IQCM: variants seen among roughly 807,000 people sequenced by gnomAD.
IQCM encodes IQ domain-containing protein M.
IQCM carries 45 observed loss-of-function variants against 57.6 expected under a neutral mutation model. The observed-to-expected ratio is 0.78, with a 90% CI of 0.62 to 1.00. The LOEUF is 1.00. Ranked by LOEUF, IQCM falls within the 50% of genes least tolerant of loss-of-function variation. The pLI is 0.00. For synonymous variants in IQCM, 148 were observed against 158.9 expected, an observed-to-expected ratio of 0.93 and a Z score of 0.51; for missense variants, 468 against 511.6, an observed-to-expected ratio of 0.91 and a Z score of 0.82.
chr4:149,398,161 G>C (rs1422075099), intron 13 of IQCM, among the ~76,000 whole-genome samples: 2 of 151,800 alleles, frequency 1.3e-5, no homozygotes, highest in Non-Finnish European at 2.9e-5. Flanking sequence ...GTGTATTCTT[G>C]GTGCCCTTAT....
chr4:149,670,861 C>A (rs2150177365), intron 7 of IQCM, among the ~76,000 whole-genome samples: 1 of 152,020 alleles, frequency 6.6e-6, no homozygotes, highest in East Asian at 1.9e-4. Context: ...TTTTGATGTG[C>A]TGCTGGATTC....
chr4:149,652,990 G>A (rs1759325658), intron 7 of IQCM, among the ~76,000 whole-genome samples: 1 of 152,094 alleles, frequency 6.6e-6, no homozygotes. Flanking sequence ...AGAACAATCT[G>A]CCTATAAAAA....
chr4:149,512,987 C>G (rs1479863672), intron 12 of IQCM, among the ~76,000 whole-genome samples: 1 of 152,094 alleles, frequency 6.6e-6, no homozygotes, highest in Non-Finnish European at 1.5e-5. Context: ...CAAGCTGTGT[C>G]CTAGATGCCA....
chr4:149,622,289 G>A lies in IQCM; in HGVS notation c.566-1045C>T, dbSNP rs1756406470. Among the ~76,000 whole-genome samples the A allele has an allele frequency of 7.3e-5, 11 of 151,694 alleles. 1 individual carries two copies. The highest frequency in any genetic ancestry group is 7.2e-4 in the Admixed American group (11 of 15,248). Reference sequence around the variant, plus strand: ...TTTCAAAAAGGCAAAATCTCTAGAAGAGGCAACACAATCATATATTTCAAT... The same window carrying A: ...TTTCAAAAAGGCAAAATCTCTAGAAAAGGCAACACAATCATATATTTCAAT... On this transcript the variant is annotated intron_variant, in intron 7 of 13. Transcript: ENST00000636793.
chr4:149,672,429 T>C (rs868838156), intron 7 of IQCM, among the ~76,000 whole-genome samples: 17 of 152,224 alleles, frequency 1.1e-4, no homozygotes, highest in South Asian at 1.0e-3. Context: ...GAGAAGACCT[T>C]AAATGACTTA....
At chr4:149,733,597 GA>G in intron 4 of IQCM, 89 bp from the exon 5 acceptor site, 2 of 612,092 alleles carry the variant, frequency 3.3e-6, no homozygotes, top group Non-Finnish European at 4.7e-6. Context: ...ATAAGTTCAT[GA>G]AATTGCACCT....
intron 13 of IQCM, among the ~76,000 whole-genome samples, chr4:149,420,130 T>A (rs1408894758): frequency 6.6e-6 from 1 of 152,072 alleles, no homozygotes. Flanking sequence ...GACTCTGCAA[T>A]CCCATTACTG....
intron 7 of IQCM, among the ~76,000 whole-genome samples, chr4:149,671,673 T>A (rs1279940949): frequency 6.6e-6 from 1 of 152,184 alleles, no homozygotes; most frequent in Non-Finnish European, 1.5e-5. Context: ...TTCTGGTATG[T>A]TGTGTCTTTG....
Position 149,614,119 on chromosome 4 carries a change from GTGTTCCCCT to G in IQCM, c.681+7001_681+7009del, listed in dbSNP as rs534435662. Among the ~76,000 whole-genome samples, 64 of 152,172 alleles carry G rather than the reference GTGTTCCCCT, an allele frequency of 4.2e-4. 1 individual carries two copies. The highest frequency in any genetic ancestry group is 1.4e-3 in the African/African-American group (60 of 41,514). On this transcript the variant is annotated intron_variant, in intron 8 of 13. Coordinates refer to ENST00000636793, the MANE Select transcript of IQCM (RefSeq NM_001363507.2). Reference sequence around the variant, plus strand: ...TTTATTCTCCTCTCTCATGTAGGATGTGTTCCCCTTGGTGGGAGTGTTGAGGGTGGGGCT... The same window carrying G: ...TTTATTCTCCTCTCTCATGTAGGATGTGGTGGGAGTGTTGAGGGTGGGGCT...
intron 5 of IQCM, among the ~76,000 whole-genome samples, chr4:149,727,562 A>G (rs1362266362): frequency 6.6e-6 from 1 of 152,226 alleles, no homozygotes; most frequent in East Asian, 1.9e-4. Context: ...GTTGACCATC[A>G]TTATAAGATA....
At chr4:149,687,077 T>A (rs1762593563) in intron 5 of IQCM, among the ~76,000 whole-genome samples, 1 of 151,698 alleles carries the variant, frequency 6.6e-6, no homozygotes, top group Non-Finnish European at 1.5e-5. Flanking sequence ...TGAAATATTA[T>A]AACAAAAATA....
At position 149,592,728 on chromosome 4, in the gene IQCM, T is replaced by G. The variant is rs186549141; in HGVS notation, c.682-4731A>C. ...TTAAATAGGGAATCCTTTCCCCATTTCTTGTTTTTGTCAGGTTTGTCAAAG... is the reference window on the plus strand; with the variant it reads ...TTAAATAGGGAATCCTTTCCCCATTGCTTGTTTTTGTCAGGTTTGTCAAAG... On this transcript the variant is annotated intron_variant, in intron 8 of 13. Coordinates refer to ENST00000636793, the MANE Select transcript of IQCM (RefSeq NM_001363507.2). 7.4e-3 allele frequency among the ~76,000 whole-genome samples: 1,125 copies of G among 152,126 alleles called. 18 individuals are homozygous for G. Among genetic ancestry groups the G allele is most frequent in the African/African-American group, 0.026 (1,067 of 41,534 alleles).
chr4:149,746,498 G>A (rs1470198423), intron 2 of IQCM, among the ~76,000 whole-genome samples: 1 of 152,090 alleles, frequency 6.6e-6, no homozygotes, highest in Non-Finnish European at 1.5e-5. Context: ...TCTTAATTGT[G>A]TATCAGATCA....
chr4:149,696,077 C>A (rs889659995), intron 5 of IQCM, among the ~76,000 whole-genome samples: 2 of 152,254 alleles, frequency 1.3e-5, no homozygotes, highest in East Asian at 3.9e-4. Context: ...CACTTCATAA[C>A]AAAATGTTTA....
Position 149,481,696 on chromosome 4 carries a change from G to GTTTTGTTTTTTTTTTTTTTGT in IQCM, c.1229-48140_1229-48139insACAAAAAAAAAAAAAACAAAA, listed in dbSNP as rs1740805999. Among the ~76,000 whole-genome samples, 3 of 33,610 alleles carry GTTTTGTTTTTTTTTTTTTTGT rather than the reference G, an allele frequency of 8.9e-5. No individual in the cohort carries two copies. In the South Asian group the frequency reaches 4.2e-3, roughly 47 times the overall value. The allele number at this position is 33,610 out of a possible 152,430, so 22.0% of individuals were successfully genotyped here. On this transcript the variant is annotated intron_variant, in intron 12 of 13. Transcript: ENST00000636793. ...GAAGTCATGTAATGTGATTCTTCCA[G>GTTTTGTTTTTTTTTTTTTTGT]TTTTGTTTTTTTTTTTTTTTTTTTT...
At chr4:149,688,613 T>G (rs1762720007) in intron 5 of IQCM, among the ~76,000 whole-genome samples, 1 of 151,852 alleles carries the variant, frequency 6.6e-6, no homozygotes. Flanking sequence ...ATTCTAAAAT[T>G]TATATGGAAC....
At chr4:149,517,669 T>C (rs957865909) in intron 12 of IQCM, among the ~76,000 whole-genome samples, 2 of 152,150 alleles carry the variant, frequency 1.3e-5, no homozygotes, top group Non-Finnish European at 2.9e-5. Context: ...TTTGAGTCAG[T>C]GGGCTGGGAA....
chr4:149,659,312 C>A (rs879093175), intron 7 of IQCM, among the ~76,000 whole-genome samples: 1 of 151,920 alleles, frequency 6.6e-6, no homozygotes, highest in Admixed American at 6.6e-5. Flanking sequence ...TACAAACCAC[C>A]GCTCAATGAA....
intron 12 of IQCM, among the ~76,000 whole-genome samples, chr4:149,477,590 A>T (rs572419421): frequency 1.6e-4 from 25 of 152,206 alleles, no homozygotes; most frequent in Non-Finnish European, 3.2e-4. Context: ...CATTAAATCA[A>T]ATTGTCCCAT....
Sources: gnomAD v4.1 joint callset for allele counts (sites outside exome capture counted in the v4.1 genomes callset) on GRCh38, gnomAD v4.1.1 for gene constraint, MANE v1.5 for transcripts, NCBI Gene and HGNC (gene_info 2026-07-23, HGNC 2026-07-21) for gene names.